Variants in GYG2 observed in about 807,000 individuals in gnomAD.
GYG2 encodes the protein glycogenin 2, also known as glycogenin-2.
Under a neutral mutation model 29.4 loss-of-function variants are expected in GYG2, and 29 were observed. The observed-to-expected ratio is 0.99, with a 90% CI of 0.74 to 1.35. The LOEUF (loss-of-function observed/expected upper bound fraction) is 1.35, where lower values mean the gene tolerates loss of function less well. GYG2 is among the 40% of genes most tolerant of loss of function. The pLI is 0.00. For missense variants in GYG2, 370 were observed against 385.7 expected, an observed-to-expected ratio of 0.96 and a Z score of 0.34; for synonymous variants, 167 against 172.3, an observed-to-expected ratio of 0.97 and a Z score of 0.24.
chrX:2,845,142 T>C (rs868482023), intron 3 of GYG2, among the ~76,000 whole-genome samples: 1 of 19,053 alleles, frequency 5.2e-5, no homozygotes, highest in East Asian at 2.8e-3. Context: ...TGTGTATGTA[T>C]ATTTATATAC....
chrX:2,853,978 A>G lies in GYG2; in HGVS notation c.150-2A>G, dbSNP rs2087922983. 8.4e-7 allele frequency: 1 copy of G among 1,192,789 alleles called. No homozygotes were observed. Among genetic ancestry groups the G allele is most frequent in the Non-Finnish European group, 1.1e-6 (1 of 878,501 alleles). On this transcript the variant is annotated splice_acceptor_variant, in intron 3 of 10. Coordinates refer to ENST00000398806, the MANE Select transcript of GYG2 (RefSeq NM_001079855.2). LOFTEE classifies it high-confidence loss of function. ...CCACTATTTGGCACATGTCTGTTCC[A>G]GGGTCATCCTCTCGAAGGTGTTCGA... is the stretch of plus-strand genomic sequence containing the variant.
intron 2 of GYG2, among the ~76,000 whole-genome samples, chrX:2,839,459 T>A (rs1470844912): frequency 9.0e-6 from 1 of 111,232 alleles, no homozygotes; most frequent in South Asian, 3.8e-4. Context: ...AATTACGTGA[T>A]TGAATTGATG....
At chrX:2,869,534 A>G (rs73435416) in intron 8 of GYG2, among the ~76,000 whole-genome samples, 14 of 112,142 alleles carry the variant, frequency 1.2e-4, no homozygotes, top group African/African-American at 4.5e-4. Context: ...AAAAAAGTTT[A>G]TTTTCATAAA....
chrX:2,871,560 C>T (rs1001019758), intron 8 of GYG2, among the ~76,000 whole-genome samples: 30 of 110,143 alleles, frequency 2.7e-4, no homozygotes, highest in Non-Finnish European at 5.3e-4. Flanking sequence ...CATGGTGGCA[C>T]GTGCCTGTAA....
chrX:2,840,235 G>A, intron 2 of GYG2, among the ~76,000 whole-genome samples: 1 of 111,757 alleles, frequency 8.9e-6, no homozygotes, highest in Middle Eastern at 4.6e-3. Flanking sequence ...AAACCCTGGT[G>A]AGGACGGGGT....
intron 2 of GYG2, among the ~76,000 whole-genome samples, chrX:2,838,257 A>G (rs1453959356): frequency 9.0e-6 from 1 of 111,524 alleles, no homozygotes; most frequent in African/African-American, 3.3e-5. Context: ...ACTATTCATG[A>G]TAAGAAGTCT....
rs1392103659 is a variant in GYG2 at position 2,881,857 on chromosome X, C to T, written c.*644C>T. ...CGTTGGGAAGAAAGATTGTAGGTGG[C>T]TTGGGGAATGTGGGTGGCTTAGAGG... On this transcript the variant is annotated 3_prime_UTR_variant, in exon 11 of 11. Transcript: ENST00000398806. 1 of 111,346 alleles carries T rather than the reference C, an allele frequency of 9.0e-6. No homozygotes were observed. The highest frequency in any genetic ancestry group is 1.9e-5 in the Non-Finnish European group (1 of 53,079). The allele number at this position is 111,346 out of a possible 1,213,427, so 9.2% of individuals were successfully genotyped here. A position where few individuals can be genotyped will look rare whatever the true frequency, so the allele number is the denominator to read the frequency against.
At chrX:2,831,424 T>C (rs1451762605) in intron 2 of GYG2, among the ~76,000 whole-genome samples, 1 of 111,024 alleles carries the variant, frequency 9.0e-6, no homozygotes, top group African/African-American at 3.3e-5. Flanking sequence ...AGAGGAGAGA[T>C]TTGGTAAATC....
Position 2,879,329 on chromosome X carries a change from G to A in GYG2, c.1252-1723G>A, listed in dbSNP as rs184003205. ...GTCACCCAGTCTGGAGTGCAGTGGC[G>A]TGATCTCGGCTCACTGCAACCTCCG... On this transcript the variant is annotated intron_variant, in intron 10 of 10. Coordinates refer to ENST00000398806, the MANE Select transcript of GYG2 (RefSeq NM_001079855.2). Among the ~76,000 whole-genome samples the A allele has an allele frequency of 6.2e-3, 633 of 102,645 alleles. 7 individuals carry two copies. The highest frequency in any genetic ancestry group is 0.022 in the African/African-American group (595 of 27,560). The allele number at this position is 102,645 out of a possible 115,157, so 89.1% of individuals were successfully genotyped here. A position where few individuals can be genotyped will look rare whatever the true frequency, so the allele number is the denominator to read the frequency against.
intron 10 of GYG2, 24 bp from the exon 11 acceptor site, chrX:2,881,028 T>A (rs1437874750): frequency 8.3e-7 from 1 of 1,202,456 alleles, no homozygotes; most frequent in African/African-American, 1.8e-5. Context: ...GCAAAAACCA[T>A]CTCCCACTGA....
At chrX:2,864,292 G>A (rs764575617) in intron 8 of GYG2, among the ~76,000 whole-genome samples, 7 of 111,764 alleles carry the variant, frequency 6.3e-5, no homozygotes, top group African/African-American at 9.8e-5. Flanking sequence ...ATCAATATGC[G>A]TAAGAAGTAC....
intron 2 of GYG2, among the ~76,000 whole-genome samples, chrX:2,837,884 C>CAT (rs1174140334): frequency 0.012 from 1,314 of 108,148 alleles, 15 homozygotes; most frequent in Admixed American, 0.028. Flanking sequence ...CACACACACA[C>CAT]GTTTTCTTTT....
intron 7 of GYG2, among the ~76,000 whole-genome samples, chrX:2,860,977 G>A (rs934300560): frequency 2.7e-5 from 3 of 109,477 alleles, no homozygotes; most frequent in South Asian, 3.9e-4. Flanking sequence ...TCATCCACCC[G>A]CCTCAGCCTC....
At chrX:2,864,933 A>T (rs1287146954) in intron 8 of GYG2, among the ~76,000 whole-genome samples, 2 of 110,068 alleles carry the variant, frequency 1.8e-5, no homozygotes, top group Admixed American at 1.9e-4. Context: ...TAATTTTTGT[A>T]TTTTTAGTAA....
rs28551680 is a variant in GYG2 at position 2,881,689 on chromosome X, A to G, written c.*476A>G. On this transcript the variant is annotated 3_prime_UTR_variant, in exon 11 of 11. Transcript: ENST00000398806. Reference sequence around the variant, plus strand: ...CTTTGCCATGGAGACCCATTTCTGTAGGGCTAAGGAAACATTTAGACGTGG... The same window carrying G: ...CTTTGCCATGGAGACCCATTTCTGTGGGGCTAAGGAAACATTTAGACGTGG... 8.9e-6 allele frequency: 1 copy of G among 112,526 alleles called. No homozygotes were observed. Among genetic ancestry groups the G allele is most frequent in the Non-Finnish European group, 1.9e-5 (1 of 53,696 alleles). 9.3% of individuals were successfully genotyped at this position (112,526 alleles called of 1,213,427 possible). A position where few individuals can be genotyped will look rare whatever the true frequency, so the allele number is the denominator to read the frequency against.
chrX:2,854,428 C>G (rs1256527646), intron 4 of GYG2, among the ~76,000 whole-genome samples: 1 of 112,041 alleles, frequency 8.9e-6, no homozygotes, highest in East Asian at 2.8e-4. Context: ...GCCATGCTGG[C>G]CGGGCTGTCA....
At chrX:2,842,463 G>A (rs2087525874) in intron 2 of GYG2, among the ~76,000 whole-genome samples, 1 of 110,471 alleles carries the variant, frequency 9.1e-6, no homozygotes, top group Admixed American at 9.7e-5. Context: ...CTAGCACTGG[G>A]ATTACAGGCA....
chrX:2,834,517 C>T (rs761493147), intron 2 of GYG2, among the ~76,000 whole-genome samples: 86 of 111,639 alleles, frequency 7.7e-4, no homozygotes, highest in African/African-American at 2.6e-3. Flanking sequence ...CTTGCAGTAT[C>T]GAAACACCCA....
intron 3 of GYG2, among the ~76,000 whole-genome samples, chrX:2,851,101 T>C (rs1356347944): frequency 8.9e-6 from 1 of 112,016 alleles, no homozygotes; most frequent in East Asian, 2.8e-4. Flanking sequence ...AAACATAAAA[T>C]CCGGACATAC....
Sources: gnomAD v4.1 joint callset for allele counts (sites outside exome capture counted in the v4.1 genomes callset) on GRCh38, gnomAD v4.1.1 for gene constraint, MANE v1.5 for transcripts, NCBI Gene and HGNC (gene_info 2026-07-23, HGNC 2026-07-21) for gene names.